METTL16: variants seen among roughly 807,000 people sequenced by gnomAD.
METTL16 encodes RNA N(6)-adenosine-methyltransferase METTL16.
In METTL16, 19 loss-of-function variants were observed where a neutral mutation model predicts 57.9. The ratio of observed to expected loss-of-function variants is 0.33; its 90% CI spans 0.23 to 0.48. METTL16 has a LOEUF of 0.48. Among genes scored for constraint, METTL16 ranks in the 20% least tolerant of loss-of-function variants. The pLI is 0.99. For missense variants in METTL16, 434 were observed against 691.5 expected (o/e 0.63, Z 4.18); for synonymous variants, 246 against 255.6 (o/e 0.96, Z 0.36).
intron 2 of METTL16, among the ~76,000 whole-genome samples, chr17:2,492,110 C>T (rs1437370049): frequency 6.6e-6 from 1 of 151,252 alleles, no homozygotes; most frequent in Non-Finnish European, 1.5e-5. Flanking sequence ...ACTCGGGAGG[C>T]TGAGGTAGGA....
At chr17:2,446,737 G>A (rs923193549) in intron 6 of METTL16, among the ~76,000 whole-genome samples, 19 of 152,098 alleles carry the variant, frequency 1.2e-4, no homozygotes, top group Admixed American at 3.3e-4. Flanking sequence ...AGCCTGCTAC[G>A]CCTCACTGGT....
intron 6 of METTL16, among the ~76,000 whole-genome samples, chr17:2,460,781 A>C (rs1367977777): frequency 6.6e-6 from 1 of 151,516 alleles, no homozygotes; most frequent in African/African-American, 2.4e-5. Flanking sequence ...GCTACTCGGG[A>C]GGCTGAGGCA....
rs780771499 is a variant in METTL16, at chr17:2,420,617, A to C, written c.1063-21T>G. 6.3e-7 allele frequency: 1 copy of C among 1,576,662 alleles called. No individual in the cohort carries two copies. Among genetic ancestry groups the C allele is most frequent in the East Asian group, 2.2e-5 (1 of 44,558 alleles). ...TGGACCTGTTTGGAGGAAAAACAGA[A>C]TTTTGTGGGAAATCACGTTTCCCCT... On this transcript the variant is annotated intron_variant, in intron 9 of 9. Coordinates refer to ENST00000263092, the MANE Select transcript of METTL16 (RefSeq NM_024086.4). The surrounding 1 kb of genome is among the most constrained non-coding windows in gnomAD (Gnocchi z 5.4).
intron 2 of METTL16, among the ~76,000 whole-genome samples, chr17:2,495,934 C>T: frequency 6.6e-6 from 1 of 151,258 alleles, no homozygotes; most frequent in East Asian, 1.9e-4. Flanking sequence ...CATGGCAAAA[C>T]CTTGTCTCTA....
Position 2,419,724 on chromosome 17 carries a change from C to CCTCA in METTL16, c.*245_*246insTGAG, listed in dbSNP as rs2066745656. ...CAGCTTGCAATCCCTCGGGAGTTTACTGAGGGCTTTCTGTTGTTACTGATG... is the reference window on the plus strand; with the variant it reads ...CAGCTTGCAATCCCTCGGGAGTTTACCTCATGAGGGCTTTCTGTTGTTACTGATG... On this transcript the variant is annotated 3_prime_UTR_variant, in exon 10 of 10. Transcript: ENST00000263092. The CCTCA allele has an allele frequency of 6.0e-6, 4 of 668,054 alleles. No individual in the cohort carries two copies. The South Asian group carries it at 6.0e-5, about 10-fold the overall frequency. 41.4% of individuals were successfully genotyped at this position (668,054 alleles called of 1,614,324 possible).
intron 8 of METTL16, among the ~76,000 whole-genome samples, chr17:2,422,624 C>A (rs940421239): frequency 6.6e-6 from 1 of 151,916 alleles, no homozygotes; most frequent in Non-Finnish European, 1.5e-5. Flanking sequence ...CCCACCTCGG[C>A]CTCTCAAAGT....
chr17:2,464,502 A>G (rs1319581027), intron 5 of METTL16, 152 bp from the exon 6 acceptor site: 1 of 676,344 alleles, frequency 1.5e-6, no homozygotes, highest in Non-Finnish European at 2.3e-6. Context: ...AGCCACTAAA[A>G]TATTTTATTT....
chr17:2,491,227 G>GT (rs2067385966), intron 2 of METTL16, among the ~76,000 whole-genome samples: 1 of 152,126 alleles, frequency 6.6e-6, no homozygotes, highest in Admixed American at 6.6e-5. Flanking sequence ...AAAATCAGCA[G>GT]TTTATTCATT....
At chr17:2,465,205 C>T (rs1340026778) in intron 5 of METTL16, among the ~76,000 whole-genome samples, 2 of 152,032 alleles carry the variant, frequency 1.3e-5, no homozygotes, top group African/African-American at 4.8e-5. Context: ...TAATCAAAAC[C>T]ACAGTGAGAT....
chr17:2,490,171 C>T (rs1461478224), intron 2 of METTL16, among the ~76,000 whole-genome samples: 1 of 151,936 alleles, frequency 6.6e-6, no homozygotes, highest in African/African-American at 2.4e-5. Context: ...TGGGTAGATG[C>T]GTCGGGTGGA....
chr17:2,485,459 G>A (rs528602563), intron 2 of METTL16, among the ~76,000 whole-genome samples: 2 of 152,162 alleles, frequency 1.3e-5, no homozygotes, highest in East Asian at 1.9e-4. Context: ...ATTGTCATCC[G>A]TGAAACTGGT....
At chr17:2,446,348 G>A (rs1185466843) in intron 6 of METTL16, among the ~76,000 whole-genome samples, 5 of 151,964 alleles carry the variant, frequency 3.3e-5, no homozygotes, top group Non-Finnish European at 7.4e-5. Flanking sequence ...TGAAATGAAA[G>A]AAGTAAAACT....
rs780648593 is a variant in METTL16, at chr17:2,420,424, G to T, written c.1235C>A (p.Thr412Asn). ...TTGGCTATTGCCAGACTCTTTGGGG[G>T]TGGGCTTTTTCTCTTCCAAGGCCTG... Reference protein sequence around the residue: ...VIQALEEKKPTPKESGNSQEL... With the variant: ...VIQALEEKKPNPKESGNSQEL... Residue 412 changes from threonine (T) to asparagine (N), a missense_variant, in exon 10 of 10, where the codon ACC becomes AAC. Thr to Asn is a moderately conservative substitution (Grantham distance 65). Transcript: ENST00000263092. The surrounding 1 kb of genome is among the most constrained non-coding windows in gnomAD (Gnocchi z 5.4). 3 of 1,614,080 alleles carry T rather than the reference G, an allele frequency of 1.9e-6. No individual in the cohort carries two copies. Among genetic ancestry groups the T allele is most frequent in the Non-Finnish European group, 1.7e-6 (2 of 1,180,038 alleles).
intron 2 of METTL16, among the ~76,000 whole-genome samples, chr17:2,479,668 C>T (rs1226903647): frequency 6.6e-6 from 1 of 152,082 alleles, no homozygotes; most frequent in African/African-American, 2.4e-5. Context: ...AATTCAATGT[C>T]CATCGGGATG....
At chr17:2,436,286 T>C (rs571539950) in intron 8 of METTL16, among the ~76,000 whole-genome samples, 4 of 152,248 alleles carry the variant, frequency 2.6e-5, no homozygotes, top group African/African-American at 9.6e-5. Flanking sequence ...CAGAGACTAT[T>C]TCAAACACAA....
intron 2 of METTL16, among the ~76,000 whole-genome samples, chr17:2,491,341 T>C (rs1272782739): frequency 6.6e-6 from 1 of 152,208 alleles, no homozygotes; most frequent in Non-Finnish European, 1.5e-5. Context: ...CTACCACTGA[T>C]GAATACAGTA....
chr17:2,478,677 T>C (rs1406914856), intron 2 of METTL16, among the ~76,000 whole-genome samples: 1 of 152,212 alleles, frequency 6.6e-6, no homozygotes, highest in Non-Finnish European at 1.5e-5. Context: ...AGGCAACCAT[T>C]GATGTACTTT....
chr17:2,499,140 C>T (rs4790083), intron 2 of METTL16, among the ~76,000 whole-genome samples: 20,743 of 151,362 alleles, frequency 0.14, 1,923 homozygotes, highest in East Asian at 0.35. Flanking sequence ...AAAAGGTTAA[C>T]GGCTTATGTA....
Position 2,507,149 on chromosome 17 carries a change from C to T in METTL16, c.-1+4610G>A, listed in dbSNP as rs1192846326. ...CACCTCTGCCCGGCCGCCCCTACTG[C>T]GAAGTGAGGAGCCCCTCTGCCCGGC... On this transcript the variant is annotated intron_variant, in intron 1 of 9. Coordinates refer to ENST00000263092, the MANE Select transcript of METTL16 (RefSeq NM_024086.4). Among the ~76,000 whole-genome samples the T allele has an allele frequency of 7.0e-5, 9 of 129,302 alleles. No individual in the cohort carries two copies. In the South Asian group the frequency reaches 7.9e-4, roughly 11 times the overall value. The allele number at this position is 129,302 out of a possible 152,430, so 84.8% of individuals were successfully genotyped here. A position where few individuals can be genotyped will look rare whatever the true frequency, so the allele number is the denominator to read the frequency against.
Sources: gnomAD v4.1 joint callset for allele counts (sites outside exome capture counted in the v4.1 genomes callset) on GRCh38, gnomAD v4.1.1 for gene constraint, Gnocchi (gnomAD v3.1) non-coding constraint, MANE v1.5 for transcripts, NCBI Gene and HGNC (gene_info 2026-07-23, HGNC 2026-07-21) for gene names.